S100G: variants seen among roughly 807,000 people sequenced by gnomAD.
The protein encoded by S100G is protein S100-G.
In S100G, 4 loss-of-function variants were observed where a neutral mutation model predicts 4.4. That is an observed-to-expected ratio of 0.91 (90% CI 0.45 to 2.09). The LOEUF is 2.09. Among genes scored for constraint, S100G ranks in the 30% most tolerant of loss-of-function variants. The probability of loss-of-function intolerance (pLI) is 0.03; values close to 1 mark genes in which losing one functional copy is unlikely to be tolerated. For missense variants in S100G, 48 were observed against 49.8 expected, an observed-to-expected ratio of 0.96 and a Z score of 0.11; for synonymous variants, 24 against 20.1, an observed-to-expected ratio of 1.20 and a Z score of -0.53.
At chrX:16,650,373 C>T in intron 1 of S100G, among the ~76,000 whole-genome samples, 170 bp downstream of exon 1, 1 of 111,180 alleles carries the variant, frequency 9.0e-6, no homozygotes, top group South Asian at 3.8e-4. Context: ...TTCTTCAAGA[C>T]CACAGCCTGC....
At chrX:16,651,683 C>T (rs147142923) in intron 2 of S100G, among the ~76,000 whole-genome samples, 8 of 112,209 alleles carry the variant, frequency 7.1e-5, no homozygotes, top group East Asian at 2.8e-4. Context: ...ATGAGGCAAC[C>T]GTGCATTTCT....
In S100G at chrX:16,654,669, A is replaced by G. The variant is rs1932775396; in HGVS notation, c.*160A>G. 3.0e-6 allele frequency: 1 copy of G among 333,547 alleles called. No individual in the cohort carries two copies. The highest frequency in any genetic ancestry group is 5.5e-5 in the Admixed American group (1 of 18,286). The allele number at this position is 333,547 out of a possible 1,213,427, so 27.5% of individuals were successfully genotyped here. A position where few individuals can be genotyped will look rare whatever the true frequency, so the allele number is the denominator to read the frequency against. On this transcript the variant is annotated 3_prime_UTR_variant, in exon 3 of 3. Transcript: ENST00000380200. ...TATTAATAAAGAAATTATTAGACAT[A>G]CCTTACTTTGTTAAGTACTGACCTC...
rs1194778429 is a variant in S100G, at chrX:16,654,569, T to C, written c.*60T>C. On this transcript the variant is annotated 3_prime_UTR_variant, in exon 3 of 3. Coordinates refer to ENST00000380200, the MANE Select transcript of S100G (RefSeq NM_004057.3). Reference sequence around the variant, plus strand: ...GAAGAGCGCCTGTGCTGTGGTCTTATCCTATGTGGAATCCCCCAAAGTCTC... The same window carrying C: ...GAAGAGCGCCTGTGCTGTGGTCTTACCCTATGTGGAATCCCCCAAAGTCTC... 3.1e-6 allele frequency: 2 copies of C among 643,111 alleles called. No individual in the cohort carries two copies. The highest frequency in any genetic ancestry group is 6.8e-5 in the East Asian group (2 of 29,264). The allele number at this position is 643,111 out of a possible 1,213,427, so 53.0% of individuals were successfully genotyped here. A position where few individuals can be genotyped will look rare whatever the true frequency, so the allele number is the denominator to read the frequency against.
chrX:16,653,949 C>T (rs910712059), intron 2 of S100G, among the ~76,000 whole-genome samples: 1 of 110,848 alleles, frequency 9.0e-6, no homozygotes, highest in Non-Finnish European at 1.9e-5. Flanking sequence ...CAGAAGGAGC[C>T]CTCCCTGCCT....
intron 2 of S100G, among the ~76,000 whole-genome samples, chrX:16,654,163 G>A (rs995919939): frequency 3.6e-5 from 4 of 112,413 alleles, no homozygotes; most frequent in African/African-American, 1.3e-4. Context: ...ATTAAAATAC[G>A]CATTGTATTA....
In S100G at chrX:16,654,430, T is replaced by G. The variant is rs1330255891; in HGVS notation, c.161T>G (p.Phe54Cys). ...LKGPNTLDDL[F>C]QELDKNGDGE... ...GGTCCAAACACCCTAGATGATCTCT[T>G]TCAAGAACTGGACAAGAATGGAGAT... The change falls in exon 3 of 3, where the codon TTT becomes TGT. Residue 54 changes from phenylalanine to cysteine, a missense_variant. Physicochemically the swap from Phe to Cys is radical, Grantham distance 205. Transcript: ENST00000380200. 1 of 1,202,076 alleles carries G rather than the reference T, an allele frequency of 8.3e-7. No individual in the cohort carries two copies. Among genetic ancestry groups the G allele is most frequent in the South Asian group, 1.8e-5 (1 of 55,833 alleles).
In S100G at chrX:16,654,507, T is replaced by C. The variant is rs777210425; in HGVS notation, c.238T>C (p.Ter80ArgextTer31). Residue 80 changes from the stop codon to arginine, a stop_lost, in exon 3 of 3, where the codon TGA becomes CGA. Transcript: ENST00000380200. ...FQVLVKKISQ[*>R] Reference sequence around the variant, plus strand: ...AGTATTAGTAAAAAAGATATCCCAGTGAAGGAGAAAACAAAATAGAACCCT... The same window carrying C: ...AGTATTAGTAAAAAAGATATCCCAGCGAAGGAGAAAACAAAATAGAACCCT... The C allele has an allele frequency of 9.6e-6, 11 of 1,140,605 alleles. No homozygotes were observed. The African/African-American group carries it at 1.6e-4, about 17-fold the overall frequency. 94.0% of individuals were successfully genotyped at this position (1,140,605 alleles called of 1,213,427 possible). A position where few individuals can be genotyped will look rare whatever the true frequency, so the allele number is the denominator to read the frequency against.
chrX:16,651,081 C>G lies in S100G; in HGVS notation c.75C>G (p.Asp25Glu). ...ATGCAGCCAAAGAAGGTGATCCAGA[C>G]CAGTTGTCAAAGGATGAACTGAAGC... The part of the protein sequence containing the change: ...EKYAAKEGDP[D>E]QLSKDELKLL... The change falls in exon 2 of 3, where the codon GAC becomes GAG. Residue 25 changes from aspartate to glutamate, a missense_variant. Asp to Glu is a conservative substitution (Grantham distance 45). Coordinates refer to ENST00000380200, the MANE Select transcript of S100G (RefSeq NM_004057.3). 8.3e-7 allele frequency: 1 copy of G among 1,207,895 alleles called. No homozygotes were observed. The highest frequency in any genetic ancestry group is 1.1e-6 in the Non-Finnish European group (1 of 892,482).
In S100G at chrX:16,651,015, T is replaced by G; in HGVS notation, c.9T>G (p.Thr3=). 8.3e-7 allele frequency: 1 copy of G among 1,206,068 alleles called. No homozygotes were observed. Among genetic ancestry groups the G allele is most frequent in the Non-Finnish European group, 1.1e-6 (1 of 890,893 alleles). The stretch of plus-strand genomic sequence containing the variant: ...ATTTATAAGACACCAGAATGAGTAC[T>G]AAAAAGTCTCCTGAGGAACTGAAGA... The part of the protein sequence containing the change: MS[T]KKSPEELKRI... Residue 3 remains threonine, a synonymous_variant, in exon 2 of 3, where the codon ACT becomes ACG. Transcript: ENST00000380200.
At position 16,654,470 on chromosome X, in the gene S100G, T is replaced by C; in HGVS notation, c.201T>C (p.Phe67=). Residue 67 remains phenylalanine (F), a synonymous_variant, in exon 3 of 3, where the codon TTT becomes TTC. Coordinates refer to ENST00000380200, the MANE Select transcript of S100G (RefSeq NM_004057.3). ...LDKNGDGEVS[F]EEFQVLVKKI... is the part of the protein sequence containing the mutation. ...AGAATGGAGATGGAGAAGTTAGTTTTGAAGAATTCCAAGTATTAGTAAAAA... is the reference window on the plus strand; with the variant it reads ...AGAATGGAGATGGAGAAGTTAGTTTCGAAGAATTCCAAGTATTAGTAAAAA... The C allele has an allele frequency of 1.7e-6, 2 of 1,199,823 alleles. No individual in the cohort carries two copies. Among genetic ancestry groups the C allele is most frequent in the Non-Finnish European group, 2.3e-6 (2 of 885,876 alleles).
At chrX:16,652,019 G>C (rs186486096) in intron 2 of S100G, among the ~76,000 whole-genome samples, 4 of 106,964 alleles carry the variant, frequency 3.7e-5, no homozygotes, top group Admixed American at 3.0e-4. Context: ...AGAGCAGGAT[G>C]GGGGGGGCCA....
intron 2 of S100G, among the ~76,000 whole-genome samples, chrX:16,653,433 C>A (rs951228241): frequency 8.9e-6 from 1 of 112,163 alleles, no homozygotes; most frequent in African/African-American, 3.2e-5. Flanking sequence ...CACAGCAAGA[C>A]CTTGTCTCTA....
Position 16,654,524 on chromosome X carries a change from T to G in S100G, c.*15T>G. 1 of 1,041,617 alleles carries G rather than the reference T, an allele frequency of 9.6e-7. No homozygotes were observed. The allele number at this position is 1,041,617 out of a possible 1,213,427, so 85.8% of individuals were successfully genotyped here. On this transcript the variant is annotated 3_prime_UTR_variant, in exon 3 of 3. Transcript: ENST00000380200. ...TATCCCAGTGAAGGAGAAAACAAAA[T>G]AGAACCCTGAGCACTGGAGGAAGAG...
At position 16,654,463 on chromosome X, in the gene S100G, T is replaced by A. The variant is rs772463175; in HGVS notation, c.194T>A (p.Val65Asp). The change falls in exon 3 of 3, where the codon GTT becomes GAT. Residue 65 changes from valine to aspartate, a missense_variant. Physicochemically the swap from Val to Asp is radical, Grantham distance 152. Coordinates refer to ENST00000380200, the MANE Select transcript of S100G (RefSeq NM_004057.3). Reference protein sequence around the residue: ...QELDKNGDGEVSFEEFQVLVK... With the variant: ...QELDKNGDGEDSFEEFQVLVK... ...CTGGACAAGAATGGAGATGGAGAAG[T>A]TAGTTTTGAAGAATTCCAAGTATTA... 8.3e-7 allele frequency: 1 copy of A among 1,201,174 alleles called. No individual in the cohort carries two copies. The highest frequency in any genetic ancestry group is 1.8e-5 in the South Asian group (1 of 56,064).
At chrX:16,650,601 C>T (rs1198681392) in intron 1 of S100G, among the ~76,000 whole-genome samples, 2 of 104,478 alleles carry the variant, frequency 1.9e-5, no homozygotes, top group African/African-American at 7.1e-5. Flanking sequence ...CAACCTCCGC[C>T]TCCCGGGTTC....
intron 2 of S100G, among the ~76,000 whole-genome samples, chrX:16,651,792 A>G (rs1278407042): frequency 8.9e-6 from 1 of 112,136 alleles, no homozygotes; most frequent in East Asian, 2.8e-4. Context: ...AAGGCAACAG[A>G]GTACAGAGAA....
rs918915002 is a variant in S100G at position 16,651,216 on chromosome X, G to A, written c.135+75G>A. The A allele has an allele frequency of 7.1e-6, 7 of 991,628 alleles. No individual in the cohort carries two copies. The African/African-American group carries it at 1.3e-4, about 19-fold the overall frequency. 81.7% of individuals were successfully genotyped at this position (991,628 alleles called of 1,213,427 possible). On this transcript the variant is annotated intron_variant, in intron 2 of 2. Coordinates refer to ENST00000380200, the MANE Select transcript of S100G (RefSeq NM_004057.3). ...GAGGGAGGGAGGGGAGAGGACTCCG[G>A]TAGAGCCTTATAGGGACCGTCGCTT...
At chrX:16,654,225 C>T (rs773340167) in intron 2 of S100G, among the ~76,000 whole-genome samples, 180 bp from the exon 3 acceptor site, 9 of 112,607 alleles carry the variant, frequency 8.0e-5, no homozygotes, top group South Asian at 3.7e-4. Context: ...TTCTATGACA[C>T]GGAGCAATAC....
chrX:16,653,294 G>A (rs748276952), intron 2 of S100G, among the ~76,000 whole-genome samples: 19 of 111,368 alleles, frequency 1.7e-4, no homozygotes, highest in Middle Eastern at 4.2e-3. Context: ...AGGAAGTCCA[G>A]TAGTCAAAAA....
Sources: gnomAD v4.1 joint callset for allele counts (sites outside exome capture counted in the v4.1 genomes callset) on GRCh38, gnomAD v4.1.1 for gene constraint, MANE v1.5 for transcripts, NCBI Gene and HGNC (gene_info 2026-07-23, HGNC 2026-07-21) for gene names.